ZNF618: variants seen among roughly 807,000 people sequenced by gnomAD.
The protein encoded by ZNF618 is zinc finger protein 618.
Under a neutral mutation model 103.0 loss-of-function variants are expected in ZNF618, and 34 were observed. The ratio of observed to expected loss-of-function variants is 0.33; its 90% CI spans 0.25 to 0.44. The LOEUF (loss-of-function observed/expected upper bound fraction) is 0.44, where lower values mean the gene tolerates loss of function less well. Among genes scored for constraint, ZNF618 ranks in the 20% least tolerant of loss-of-function variants. The pLI, the probability that ZNF618 is intolerant of heterozygous loss-of-function variation, is 1.00. For synonymous variants in ZNF618, 551 were observed against 542.2 expected (o/e 1.02, Z -0.23); for missense variants, 1,059 against 1,295.4 (o/e 0.82, Z 2.80).
intron 1 of ZNF618, among the ~76,000 whole-genome samples, chr9:113,878,671 T>C (rs1828194330): frequency 6.6e-6 from 1 of 152,160 alleles, no homozygotes; most frequent in Admixed American, 6.5e-5. Flanking sequence ...CAGCATATTG[T>C]TAGGACTTGC....
chr9:113,882,182 A>G (rs1156707818), intron 1 of ZNF618, among the ~76,000 whole-genome samples: 1 of 152,182 alleles, frequency 6.6e-6, no homozygotes. Context: ...GCCTTAGGTC[A>G]GATGCATAGA....
chr9:113,996,742 G>T (rs1840636317), intron 3 of ZNF618, among the ~76,000 whole-genome samples: 1 of 152,178 alleles, frequency 6.6e-6, no homozygotes, highest in South Asian at 2.1e-4. Context: ...AGCAGTCCCA[G>T]GGCTCTCAAT....
At chr9:114,016,669 T>C (rs1447960013) in intron 9 of ZNF618, 26 bp from the exon 10 acceptor site, 4 of 1,605,324 alleles carry the variant, frequency 2.5e-6, no homozygotes, top group African/African-American at 2.7e-5. Flanking sequence ...TGCACATTCT[T>C]ACACCTTCGT....
chr9:114,002,825 T>C (rs1228346241), intron 6 of ZNF618, among the ~76,000 whole-genome samples, 163 bp downstream of exon 6: 2 of 152,224 alleles, frequency 1.3e-5, no homozygotes, highest in African/African-American at 2.4e-5. Context: ...AAAACCGCAA[T>C]GCGGTACCTC....
intron 1 of ZNF618, among the ~76,000 whole-genome samples, chr9:113,891,956 G>A (rs1057348579): frequency 6.6e-6 from 1 of 152,136 alleles, no homozygotes; most frequent in Non-Finnish European, 1.5e-5. Flanking sequence ...CATTCTGCTT[G>A]GTGAAATAAG....
At chr9:113,876,903 ATT>A (rs566862167) in intron 1 of ZNF618, among the ~76,000 whole-genome samples, 1 of 141,746 alleles carries the variant, frequency 7.1e-6, no homozygotes, top group Non-Finnish European at 1.5e-5. Flanking sequence ...TCCTTTCTCA[ATT>A]TTTTTTTTCT....
At chr9:113,900,202 C>A (rs982724127) in intron 1 of ZNF618, among the ~76,000 whole-genome samples, 7 of 152,130 alleles carry the variant, frequency 4.6e-5, no homozygotes. Context: ...GCTGGAACTA[C>A]AGGTGTGCAC....
At chr9:113,990,501 T>G (rs1266621417) in intron 3 of ZNF618, among the ~76,000 whole-genome samples, 1 of 152,220 alleles carries the variant, frequency 6.6e-6, no homozygotes, top group African/African-American at 2.4e-5. Context: ...GATATCTTAG[T>G]AGCTCAAAAC....
chr9:113,922,112 A>G (rs1446946959), intron 1 of ZNF618, among the ~76,000 whole-genome samples: 4 of 152,262 alleles, frequency 2.6e-5, no homozygotes, highest in Non-Finnish European at 5.9e-5. Flanking sequence ...TTGTTCATTC[A>G]AGAAGTATTT....
At chr9:113,932,848 G>A (rs908639121) in intron 1 of ZNF618, among the ~76,000 whole-genome samples, 1 of 152,100 alleles carries the variant, frequency 6.6e-6, no homozygotes, top group Non-Finnish European at 1.5e-5. Context: ...TATGTAAGCT[G>A]TTGGATGTAA....
At chr9:113,987,443 C>T (rs1452023228) in intron 2 of ZNF618, among the ~76,000 whole-genome samples, 3 of 152,106 alleles carry the variant, frequency 2.0e-5, no homozygotes, top group South Asian at 2.1e-4. Context: ...GGATGTTTTC[C>T]GATGTTTAAA....
intron 1 of ZNF618, among the ~76,000 whole-genome samples, chr9:113,884,782 GAGAGAGAGAGAGAGA>G (rs1828903819): frequency 1.5e-5 from 2 of 136,200 alleles, no homozygotes; most frequent in African/African-American, 5.9e-5. Flanking sequence ...CACAGAGAGA[GAGAGAGAGAGAGAGA>G]GAGAGAGAGA....
At chr9:114,032,258 GGCA>G (rs924813250) in intron 11 of ZNF618, among the ~76,000 whole-genome samples, 2 of 152,200 alleles carry the variant, frequency 1.3e-5, no homozygotes, top group African/African-American at 4.8e-5. Context: ...TGGGGCCCGT[GGCA>G]GCAGAATCTG....
At position 113,889,059 on chromosome 9, in the gene ZNF618, C is replaced by T. The variant is rs150283747; in HGVS notation, c.33+12646C>T. On this transcript the variant is annotated intron_variant, in intron 1 of 14. Coordinates refer to ENST00000374126, the MANE Select transcript of ZNF618 (RefSeq NM_001318042.2). ...CACTCACCTCACTGTCTGTATTAGA[C>T]GGTTATTGCTGTGCAACAAATCACC... 3.5e-3 allele frequency among the ~76,000 whole-genome samples: 531 copies of T among 152,238 alleles called. 4 individuals carry two copies. The highest frequency in any genetic ancestry group is 3.6e-3 in the Non-Finnish European group (243 of 68,018).
intron 2 of ZNF618, among the ~76,000 whole-genome samples, chr9:113,982,065 T>C (rs534316392): frequency 4.3e-4 from 66 of 152,134 alleles, no homozygotes; most frequent in Non-Finnish European, 8.7e-4. Flanking sequence ...TGCAGGCACA[T>C]TGGCCTGGCC....
At chr9:114,014,308 A>G (rs1245076248) in intron 9 of ZNF618, among the ~76,000 whole-genome samples, 1 of 152,234 alleles carries the variant, frequency 6.6e-6, no homozygotes, top group Non-Finnish European at 1.5e-5. Context: ...ATTAGAGACA[A>G]GGTTAATTCC....
rs539846190 is a variant in ZNF618 at position 113,987,382 on chromosome 9, C to T, written c.78-939C>T. On this transcript the variant is annotated intron_variant, in intron 2 of 14. Coordinates refer to ENST00000374126, the MANE Select transcript of ZNF618 (RefSeq NM_001318042.2). ...TCCTTAGTGTCCCCCTCATGAGGGA[C>T]GTTGAGTGACCCACGCCCTGCCCTC... 2.6e-5 allele frequency among the ~76,000 whole-genome samples: 4 copies of T among 152,298 alleles called. No homozygotes were observed. In the East Asian group the frequency reaches 5.8e-4, roughly 22 times the overall value.
chr9:113,947,145 A>G (rs943303055), intron 1 of ZNF618, among the ~76,000 whole-genome samples: 1 of 152,144 alleles, frequency 6.6e-6, no homozygotes, highest in Non-Finnish European at 1.5e-5. Flanking sequence ...TGCAGAATGA[A>G]GCAATTTGGT....
At chr9:114,045,957 T>G (rs1845614507) in intron 13 of ZNF618, among the ~76,000 whole-genome samples, 1 of 152,068 alleles carries the variant, frequency 6.6e-6, no homozygotes, top group South Asian at 2.1e-4. Flanking sequence ...ACTTTAAAAT[T>G]TAATGGTAAG....
Sources: allele counts gnomAD v4.1 joint callset (sites outside exome capture counted in the v4.1 genomes callset), GRCh38; gene constraint gnomAD v4.1.1; transcripts MANE v1.5; gene names NCBI Gene and HGNC (gene_info 2026-07-23, HGNC 2026-07-21).